Variants in TNS3 observed in about 807,000 individuals in gnomAD.
The protein encoded by TNS3 is tensin 3, also known as tensin-3.
Under a neutral mutation model 140.9 loss-of-function variants are expected in TNS3, and 45 were observed. That is an observed-to-expected ratio of 0.32 (90% CI 0.25 to 0.41). The LOEUF is 0.41. Ranked by LOEUF, TNS3 falls within the 10% of genes least tolerant of loss-of-function variation. TNS3 has a pLI of 1.00. For synonymous variants in TNS3, 815 were observed against 788.4 expected, an observed-to-expected ratio of 1.03 and a Z score of -0.56; for missense variants, 1,716 against 1,906.7, an observed-to-expected ratio of 0.90 and a Z score of 1.86.
intron 8 of TNS3, among the ~76,000 whole-genome samples, chr7:47,431,593 A>AAAAAC (rs1441067735): frequency 6.6e-6 from 1 of 152,226 alleles, no homozygotes. Flanking sequence ...CTCCGTCTCA[A>AAAAAC]AAAACAAAAC....
intron 1 of TNS3, among the ~76,000 whole-genome samples, chr7:47,561,399 A>G (rs1800316921): frequency 6.6e-6 from 1 of 152,232 alleles, no homozygotes; most frequent in Non-Finnish European, 1.5e-5. Context: ...CACCCACCTC[A>G]GGATTCAGCC....
chr7:47,510,094 G>GGTTTGT, intron 2 of TNS3, among the ~76,000 whole-genome samples: 1 of 152,292 alleles, frequency 6.6e-6, no homozygotes, highest in Admixed American at 6.5e-5. Context: ...GTGAGACTGG[G>GGTTTGT]GTTTGTGGAT....
rs11977177 is a variant in TNS3, at chr7:47,420,694, C to G, written c.473+3407G>C. Among the ~76,000 whole-genome samples the G allele has an allele frequency of 6.5e-3, 992 of 152,300 alleles. 13 individuals carry two copies. Among genetic ancestry groups the G allele is most frequent in the African/African-American group, 0.023 (950 of 41,562 alleles). ...TTGACCTTCATGTGCCCGCTTGGGT[C>G]TCTTCTAAGCGTACTTTCCTTTCTT... On this transcript the variant is annotated intron_variant, in intron 10 of 30. Coordinates refer to ENST00000311160, the MANE Select transcript of TNS3 (RefSeq NM_022748.12).
In TNS3 at chr7:47,369,084, A is replaced by G. The variant is rs754264202; in HGVS notation, c.1562T>C (p.Leu521Pro). The change falls in exon 17 of 31, where the codon CTA becomes CCA. Residue 521 changes from leucine (L) to proline (P), a missense_variant. Coordinates refer to ENST00000311160, the MANE Select transcript of TNS3 (RefSeq NM_022748.12). ...TCHKSSQNSL[L>P]SDGFGSNVGE... is the part of the protein sequence containing the mutation. ...AACGTTGCTGCCAAAACCGTCAGAT[A>G]GGAGTGAGTTCTGGCTGCTCTTGTG... The G allele has an allele frequency of 6.8e-6, 11 of 1,614,030 alleles. No individual in the cohort carries two copies. In the Admixed American group the frequency reaches 1.8e-4, roughly 27 times the overall value.
intron 2 of TNS3, among the ~76,000 whole-genome samples, chr7:47,524,619 G>A (rs1210076562): frequency 8.7e-5 from 13 of 150,214 alleles, no homozygotes; most frequent in African/African-American, 3.2e-4. Flanking sequence ...TGGCTAACAA[G>A]GTGAAACCCC....
chr7:47,410,814 G>T (rs997554576), intron 13 of TNS3, among the ~76,000 whole-genome samples: 2 of 152,170 alleles, frequency 1.3e-5, no homozygotes, highest in African/African-American at 2.4e-5. Flanking sequence ...CATGCTGAAA[G>T]TCATACATAT....
chr7:47,282,942 G>A (rs1012192079), intron 28 of TNS3, among the ~76,000 whole-genome samples: 5 of 152,052 alleles, frequency 3.3e-5, no homozygotes, highest in African/African-American at 1.2e-4. Context: ...TGCTCGGGGA[G>A]CATCCTGGGA....
chr7:47,524,810 AG>A (rs1314496409), intron 2 of TNS3, among the ~76,000 whole-genome samples: 1,658 of 68,458 alleles, frequency 0.024, 418 homozygotes, highest in South Asian at 0.055. Context: ...CTCCGTCTCA[AG>A]AAAAAAAAAA....
At chr7:47,346,453 G>A in intron 17 of TNS3, 97 bp from the exon 18 acceptor site, 1 of 1,432,952 alleles carries the variant, frequency 7.0e-7, no homozygotes, top group Admixed American at 2.0e-5. Flanking sequence ...CAAAGGTGCT[G>A]TATGCTGCAT....
intron 4 of TNS3, among the ~76,000 whole-genome samples, chr7:47,459,571 C>A (rs761138085): frequency 6.6e-6 from 1 of 152,090 alleles, no homozygotes; most frequent in African/African-American, 2.4e-5. Context: ...ACTGGAGTGT[C>A]CTAGAATGTA....
At chr7:47,543,444 C>T (rs945409780) in intron 1 of TNS3, among the ~76,000 whole-genome samples, 1 of 152,240 alleles carries the variant, frequency 6.6e-6, no homozygotes, top group Admixed American at 6.5e-5. Flanking sequence ...AGCTGACTTC[C>T]AGTCCCTGCG....
intron 20 of TNS3, among the ~76,000 whole-genome samples, chr7:47,319,007 T>C (rs532977189): frequency 3.3e-5 from 5 of 152,312 alleles, no homozygotes; most frequent in African/African-American, 1.2e-4. Context: ...ACAGATGACA[T>C]GTGCTGAACT....
intron 20 of TNS3, among the ~76,000 whole-genome samples, chr7:47,322,899 A>G (rs1159617602): frequency 6.6e-6 from 1 of 152,144 alleles, no homozygotes; most frequent in African/African-American, 2.4e-5. Context: ...CATGGCCAGT[A>G]GCACACTGCT....
chr7:47,436,616 A>ATTTTT (rs1318203649), intron 7 of TNS3, among the ~76,000 whole-genome samples: 1 of 152,174 alleles, frequency 6.6e-6, no homozygotes, highest in Non-Finnish European at 1.5e-5. Flanking sequence ...AATTTTAAAA[A>ATTTTT]TTTTTTAAAA....
chr7:47,298,633 G>T (rs1417221944), intron 23 of TNS3, among the ~76,000 whole-genome samples: 1 of 152,228 alleles, frequency 6.6e-6, no homozygotes, highest in Non-Finnish European at 1.5e-5. Context: ...CTGCCTGGAA[G>T]CGATCAGGGC....
chr7:47,305,577 T>C (rs915173078), intron 20 of TNS3, among the ~76,000 whole-genome samples: 3 of 152,240 alleles, frequency 2.0e-5, no homozygotes, highest in Non-Finnish European at 4.4e-5. Context: ...TGCAAACCCA[T>C]GCTGCTGCTT....
intron 23 of TNS3, among the ~76,000 whole-genome samples, chr7:47,300,423 C>G (rs779433176): frequency 2.8e-4 from 42 of 152,332 alleles, no homozygotes; most frequent in Admixed American, 8.5e-4. Context: ...ACAGCAGCCC[C>G]TACACATACT....
intron 1 of TNS3, among the ~76,000 whole-genome samples, chr7:47,578,416 A>T (rs1162851508): frequency 6.6e-6 from 1 of 152,052 alleles, no homozygotes; most frequent in African/African-American, 2.4e-5. Flanking sequence ...CTTCATCCCC[A>T]AGTTGATGGC....
intron 3 of TNS3, among the ~76,000 whole-genome samples, chr7:47,504,656 T>C (rs1478609892): frequency 6.6e-6 from 1 of 152,202 alleles, no homozygotes; most frequent in Non-Finnish European, 1.5e-5. Flanking sequence ...AGTGCAATAA[T>C]GTGGGAGAAG....
Sources: gnomAD v4.1 joint callset for allele counts (sites outside exome capture counted in the v4.1 genomes callset) on GRCh38, gnomAD v4.1.1 for gene constraint, MANE v1.5 for transcripts, NCBI Gene and HGNC (gene_info 2026-07-23, HGNC 2026-07-21) for gene names.